COL3A1: variants seen among roughly 807,000 people sequenced by gnomAD.
COL3A1 encodes collagen alpha-1(III) chain.
Under a neutral mutation model 200.9 loss-of-function variants are expected in COL3A1, and 46 were observed. That is an observed-to-expected ratio of 0.23 (90% confidence interval 0.18 to 0.29). The LOEUF is 0.29. Among genes scored for constraint, COL3A1 ranks in the 10% least tolerant of loss-of-function variants. The probability of loss-of-function intolerance (pLI) is 1.00; values close to 1 mark genes in which losing one functional copy is unlikely to be tolerated. For missense variants in COL3A1, 1,367 were observed against 1,917.6 expected (o/e 0.71, Z 5.36); for synonymous variants, 650 against 628.0 (o/e 1.03, Z -0.52).
At chr2:188,999,958 T>C in intron 32 of COL3A1, 63 bp downstream of exon 32, 1 of 1,503,598 alleles carries the variant, frequency 6.7e-7, no homozygotes, top group Non-Finnish European at 9.1e-7. Context: ...AGTCCTGCAC[T>C]TCAACTTTAA....
chr2:188,991,645 C>G, intron 12 of COL3A1, 24 bp from the exon 13 acceptor site: 4 of 1,613,416 alleles, frequency 2.5e-6, no homozygotes, highest in Non-Finnish European at 3.4e-6. Flanking sequence ...TAGAGTAAAA[C>G]CATATTTCAA....
chr2:188,984,691 A>G lies in COL3A1; in HGVS notation c.80-69A>G, dbSNP rs59459440. 1.8e-3 allele frequency: 2,556 copies of G among 1,397,636 alleles called. 58 individuals are homozygous for G. In the African/African-American group the frequency reaches 0.032, roughly 18 times the overall value. 86.6% of individuals were successfully genotyped at this position (1,397,636 alleles called of 1,614,324 possible). On this transcript the variant is annotated intron_variant, in intron 1 of 50. Transcript: ENST00000304636. ...AACTTTGGCTATTGTTAATAGTCCT[A>G]ACAGAGTAACAAAAATCACCTTTCA... is the stretch of plus-strand genomic sequence containing the variant.
intron 29 of COL3A1, 108 bp from the exon 30 acceptor site, chr2:188,999,177 G>T (rs1688394641): frequency 2.9e-6 from 3 of 1,049,134 alleles, no homozygotes; most frequent in Non-Finnish European, 4.3e-6. Context: ...TTTCTAGATT[G>T]TTCACAATAT....
intron 11 of COL3A1, 56 bp from the exon 12 acceptor site, chr2:188,991,431 T>C: frequency 8.7e-7 from 1 of 1,149,106 alleles, no homozygotes; most frequent in Admixed American, 2.1e-5. Flanking sequence ...TATTTAAAAA[T>C]ATATAATATT....
At chr2:188,978,152 T>C (rs771479866) in intron 1 of COL3A1, 1 of 228,260 alleles carries the variant, frequency 4.4e-6, no homozygotes. Context: ...TCTAAAGGCC[T>C]ACATATAAAA....
At chr2:188,997,527 T>C in intron 26 of COL3A1, 138 bp downstream of exon 26, 1 of 1,153,714 alleles carries the variant, frequency 8.7e-7, no homozygotes, top group South Asian at 1.3e-5. Flanking sequence ...GACCTAGTTA[T>C]CTAGCTAAAT....
intron 10 of COL3A1, among the ~76,000 whole-genome samples, chr2:188,990,729 T>C (rs1259620540): frequency 2.0e-5 from 3 of 152,198 alleles, no homozygotes; most frequent in Admixed American, 2.0e-4. Context: ...ACCTATCAAC[T>C]GAATTATAAT....
chr2:189,006,796 C>A (rs1292612894), intron 43 of COL3A1, 141 bp from the exon 44 acceptor site: 6 of 960,136 alleles, frequency 6.2e-6, no homozygotes, highest in African/African-American at 3.3e-5. Context: ...ACTTTGAAGG[C>A]AAAAACAATA....
At position 189,009,293 on chromosome 2, in the gene COL3A1, G is replaced by T. The variant is rs1456260291; in HGVS notation, c.3823+72G>T. On this transcript the variant is annotated intron_variant, in intron 48 of 50. Coordinates refer to ENST00000304636, the MANE Select transcript of COL3A1 (RefSeq NM_000090.4). The stretch of plus-strand genomic sequence containing the variant: ...AAGCTGCTTAGATTAGAATGGGAAC[G>T]AAAAAACATCTACTTTCAATGGAAA... 9.1e-6 allele frequency: 14 copies of T among 1,543,434 alleles called. No individual in the cohort carries two copies. The African/African-American group carries it at 1.5e-4, about 17-fold the overall frequency.
At chr2:188,995,129 A>G (rs765939187) in intron 21 of COL3A1, 30 bp downstream of exon 21, 2 of 1,602,074 alleles carry the variant, frequency 1.2e-6, no homozygotes, top group South Asian at 1.1e-5. Flanking sequence ...ATGTTCCTAA[A>G]TGCTAGCACC....
rs1371185410 is a variant in COL3A1, at chr2:188,977,141, C to T, written c.79+2573C>T. On this transcript the variant is annotated intron_variant, in intron 1 of 50. Transcript: ENST00000304636. ...TCTACATATGACTATTGTTTAAATA[C>T]ATTTTTCATGTCTCTGATGTAGTCC... Among the ~76,000 whole-genome samples, 5 of 152,240 alleles carry T rather than the reference C, an allele frequency of 3.3e-5. No homozygotes were observed. In the East Asian group the frequency reaches 7.7e-4, roughly 24 times the overall value.
intron 13 of COL3A1, among the ~76,000 whole-genome samples, 171 bp from the exon 14 acceptor site, chr2:188,992,013 G>T (rs552349329): frequency 6.6e-6 from 1 of 152,218 alleles, no homozygotes; most frequent in Non-Finnish European, 1.5e-5. Context: ...TTTGATTGTT[G>T]CTGTATATAT....
At chr2:188,996,312 A>ACACACACG in intron 23 of COL3A1, 86 bp from the exon 24 acceptor site, 1 of 995,944 alleles carries the variant, frequency 1.0e-6, no homozygotes, top group Non-Finnish European at 1.6e-6. Context: ...ATATACACAC[A>ACACACACG]CACACACACA....
chr2:188,981,348 T>C (rs1404451916), intron 1 of COL3A1, among the ~76,000 whole-genome samples: 1 of 151,500 alleles, frequency 6.6e-6, no homozygotes, highest in Admixed American at 6.6e-5. Context: ...AATACATTGC[T>C]TGTGTGATCA....
chr2:188,990,474 A>G, intron 10 of COL3A1, 114 bp downstream of exon 10: 1 of 915,802 alleles, frequency 1.1e-6, no homozygotes, highest in Non-Finnish European at 1.7e-6. Context: ...CAATTAATTA[A>G]TTTGATATTT....
At chr2:188,995,154 C>A in intron 21 of COL3A1, 55 bp downstream of exon 21, 1 of 1,482,592 alleles carries the variant, frequency 6.7e-7, no homozygotes, top group Non-Finnish European at 9.4e-7. Context: ...ATGGGCAGTT[C>A]TTGTATACAA....
intron 32 of COL3A1, 74 bp from the exon 33 acceptor site, chr2:189,001,323 A>G (rs1688457098): frequency 5.7e-6 from 8 of 1,411,794 alleles, no homozygotes; most frequent in South Asian, 4.6e-5. Context: ...CTATGTCTAT[A>G]TACTTTCTGT....
In COL3A1 at chr2:189,001,270, C is replaced by T. The variant is rs535601996; in HGVS notation, c.2284-127C>T. 9.5e-6 allele frequency: 8 copies of T among 840,360 alleles called. No individual in the cohort carries two copies. The South Asian group carries it at 1.1e-4, about 12-fold the overall frequency. The allele number at this position is 840,360 out of a possible 1,614,324, so 52.1% of individuals were successfully genotyped here. Reference sequence around the variant, plus strand: ...TGAGAGAAAAGCATAGCATTCAAGCCATAAAAATTTTTAAAAAGTATGTTA... The same window carrying T: ...TGAGAGAAAAGCATAGCATTCAAGCTATAAAAATTTTTAAAAAGTATGTTA... On this transcript the variant is annotated intron_variant, in intron 32 of 50. Transcript: ENST00000304636.
At chr2:188,999,948 A>G in intron 32 of COL3A1, 53 bp downstream of exon 32, 14 of 1,528,608 alleles carry the variant, frequency 9.2e-6, no homozygotes, top group Non-Finnish European at 1.2e-5. Context: ...CATATGGGAC[A>G]GTCCTGCACT....
Sources: gnomAD v4.1 joint callset for allele counts (sites outside exome capture counted in the v4.1 genomes callset) on GRCh38, gnomAD v4.1.1 for gene constraint, MANE v1.5 for transcripts, NCBI Gene and HGNC (gene_info 2026-07-23, HGNC 2026-07-21) for gene names.